The following MOK variants were observed in gnomAD, a reference collection of about 807,000 sequenced individuals.
MOK encodes the protein MOK protein kinase, also known as MAPK/MAK/MRK overlapping kinase.
A neutral mutation model predicts 54.2 loss-of-function variants in MOK; 59 were observed. That is an observed-to-expected ratio of 1.09 (90% confidence interval 0.88 to 1.35). The LOEUF (loss-of-function observed/expected upper bound fraction) is 1.35, where lower values mean the gene tolerates loss of function less well. Ranked by LOEUF, MOK falls within the 40% of genes most tolerant of loss-of-function variation. The pLI is 0.00. For missense variants in MOK, 517 were observed against 526.2 expected (o/e 0.98, Z 0.17); for synonymous variants, 210 against 202.7 (o/e 1.04, Z -0.31).
At position 102,232,763 on chromosome 14, in the gene MOK, T is replaced by C; in HGVS notation, c.693-55A>G. The C allele has an allele frequency of 6.6e-7, 1 of 1,508,234 alleles. No individual in the cohort carries two copies. 93.4% of individuals were successfully genotyped at this position (1,508,234 alleles called of 1,614,324 possible). A position where few individuals can be genotyped will look rare whatever the true frequency, so the allele number is the denominator to read the frequency against. On this transcript the variant is annotated intron_variant, in intron 8 of 11. Coordinates refer to ENST00000361847, the MANE Select transcript of MOK (RefSeq NM_014226.3). The surrounding 1 kb of genome is among the most constrained non-coding windows in gnomAD (Gnocchi z 5.1). ...GTCATGCTGTCACTGAGCGCACCGG[T>C]GGTCCACTGTCACAACTAAGGGCCC...
At chr14:102,282,630 A>G (rs756865939) in intron 2 of MOK, among the ~76,000 whole-genome samples, 1 of 152,078 alleles carries the variant, frequency 6.6e-6, no homozygotes, top group Non-Finnish European at 1.5e-5. Context: ...GCTACTCAGG[A>G]GACTGAGGTG....
At chr14:102,304,487 T>C (rs938030875) in intron 1 of MOK, among the ~76,000 whole-genome samples, 4 of 152,064 alleles carry the variant, frequency 2.6e-5, no homozygotes, top group African/African-American at 9.7e-5. Context: ...AAAAATAAAA[T>C]AAAGCACACA....
intron 7 of MOK, 79 bp from the exon 8 acceptor site, chr14:102,233,868 G>T: frequency 1.9e-6 from 2 of 1,027,812 alleles, no homozygotes; most frequent in Non-Finnish European, 3.0e-6. Flanking sequence ...CATCTGGACC[G>T]CACAAGGGGA....
rs753028317 is a variant in MOK, at chr14:102,232,736, T to C, written c.693-28A>G. On this transcript the variant is annotated intron_variant, in intron 8 of 11. Coordinates refer to ENST00000361847, the MANE Select transcript of MOK (RefSeq NM_014226.3). The surrounding 1 kb of genome is among the most constrained non-coding windows in gnomAD (Gnocchi z 5.1). ...GTATTAAAAACCCAATGATAATAAA[T>C]GGTCATGCTGTCACTGAGCGCACCG... 3.1e-6 allele frequency: 5 copies of C among 1,594,848 alleles called. No individual in the cohort carries two copies. Among genetic ancestry groups the C allele is most frequent in the South Asian group, 2.2e-5 (2 of 89,062 alleles).
At chr14:102,284,248 C>T (rs2069780778) in intron 1 of MOK, among the ~76,000 whole-genome samples, 1 of 151,900 alleles carries the variant, frequency 6.6e-6, no homozygotes, top group South Asian at 2.1e-4. Flanking sequence ...CTGCTGTGAA[C>T]AAAAGTCTAA....
At chr14:102,216,926 CTG>C in the MOK span, among the ~76,000 whole-genome samples, 1 of 152,098 alleles carries the variant, frequency 6.6e-6, no homozygotes, top group Admixed American at 6.5e-5. Context: ...GAGCGAGACT[CTG>C]TCTTAAAGAA....
At chr14:102,271,404 C>G (rs1160851118) in intron 2 of MOK, among the ~76,000 whole-genome samples, 1 of 152,020 alleles carries the variant, frequency 6.6e-6, no homozygotes, top group African/African-American at 2.4e-5. Context: ...ACCTTCCCCA[C>G]AAGGAAAACT....
chr14:102,295,192 A>C (rs2071299836), intron 1 of MOK, among the ~76,000 whole-genome samples: 1 of 152,210 alleles, frequency 6.6e-6, no homozygotes, highest in Non-Finnish European at 1.5e-5. Flanking sequence ...GGAATAGAGT[A>C]AACAAGCACC....
chr14:102,286,101 C>T (rs1482139768), intron 1 of MOK, among the ~76,000 whole-genome samples: 1 of 149,116 alleles, frequency 6.7e-6, no homozygotes, highest in Non-Finnish European at 1.5e-5. Flanking sequence ...AGATCGAGAC[C>T]ATCCTGGCTA....
At chr14:102,300,966 G>A (rs750461619) in intron 1 of MOK, among the ~76,000 whole-genome samples, 5 of 151,968 alleles carry the variant, frequency 3.3e-5, no homozygotes, top group South Asian at 2.1e-4. Flanking sequence ...GTGTGGTGGT[G>A]CGCCTAAAAT....
At chr14:102,299,959 C>T (rs1182053926) in intron 1 of MOK, among the ~76,000 whole-genome samples, 3 of 151,956 alleles carry the variant, frequency 2.0e-5, no homozygotes, top group African/African-American at 7.3e-5. Flanking sequence ...TGGCTCATGC[C>T]TATAATCCAG....
At chr14:102,267,588 T>C (rs1055457648) in intron 2 of MOK, among the ~76,000 whole-genome samples, 2 of 151,994 alleles carry the variant, frequency 1.3e-5, no homozygotes, top group African/African-American at 2.4e-5. Flanking sequence ...AATAAATATG[T>C]CTGAATATTT....
chr14:102,231,961 C>G lies in MOK; in HGVS notation c.867-140G>C, dbSNP rs534742541. 3.8e-5 allele frequency: 24 copies of G among 634,914 alleles called. No homozygotes were observed. The highest frequency in any genetic ancestry group is 3.0e-4 in the African/African-American group (16 of 54,072). The allele number at this position is 634,914 out of a possible 1,614,324, so 39.3% of individuals were successfully genotyped here. A position where few individuals can be genotyped will look rare whatever the true frequency, so the allele number is the denominator to read the frequency against. On this transcript the variant is annotated intron_variant, in intron 9 of 11. Transcript: ENST00000361847. The surrounding 1 kb of genome is among the most constrained non-coding windows in gnomAD (Gnocchi z 4.4). Reference sequence around the variant, plus strand: ...TTTCTGCCTGAGCTGTAATCAGGAGCCTTTTTTTTTCTTTTCTGTCTCAGC... The same window carrying G: ...TTTCTGCCTGAGCTGTAATCAGGAGGCTTTTTTTTTCTTTTCTGTCTCAGC...
chr14:102,260,176 CAAAA>C (rs770385409), intron 4 of MOK, among the ~76,000 whole-genome samples: 1 of 76,256 alleles, frequency 1.3e-5, no homozygotes, highest in African/African-American at 4.7e-5. Context: ...AACTCCATCT[CAAAA>C]AAAAAAAAAA....
intron 7 of MOK, among the ~76,000 whole-genome samples, chr14:102,246,738 C>T (rs1488795859): frequency 2.6e-5 from 4 of 152,174 alleles, no homozygotes; most frequent in East Asian, 1.9e-4. Context: ...TGCCTACTTA[C>T]GCAACCTGGC....
chr14:102,283,408 A>T (rs749425742), intron 2 of MOK, 70 bp downstream of exon 2: 2 of 930,966 alleles, frequency 2.1e-6, no homozygotes, highest in Non-Finnish European at 3.3e-6. Flanking sequence ...GCTCCCCCCT[A>T]ATATTAAGTT....
rs530363159 is a variant in MOK at position 102,245,631 on chromosome 14, C to A, written c.590+5181G>T. Among the ~76,000 whole-genome samples, 13 of 152,196 alleles carry A rather than the reference C, an allele frequency of 8.5e-5. No homozygotes were observed. Among genetic ancestry groups the A allele is most frequent in the Admixed American group, 2.0e-4 (3 of 15,292 alleles). Reference sequence around the variant, plus strand: ...GTAATTTTCCACTACCTACCCAAATCCTCTACAACGGCCCCACCCCTATCT... The same window carrying A: ...GTAATTTTCCACTACCTACCCAAATACTCTACAACGGCCCCACCCCTATCT... On this transcript the variant is annotated intron_variant, in intron 7 of 11. Transcript: ENST00000361847. The surrounding 1 kb of genome is among the most constrained non-coding windows in gnomAD (Gnocchi z 4.3).
chr14:102,272,021 G>C (rs1003619575), intron 2 of MOK, among the ~76,000 whole-genome samples: 2 of 151,992 alleles, frequency 1.3e-5, no homozygotes, highest in Admixed American at 6.6e-5. Context: ...TGGGACCACA[G>C]GTGCCTGCCA....
chr14:102,239,091 C>G (rs988041736), intron 7 of MOK, among the ~76,000 whole-genome samples: 1 of 152,206 alleles, frequency 6.6e-6, no homozygotes, highest in Non-Finnish European at 1.5e-5. Context: ...TTTGGTCTCC[C>G]TCGCTCCAAT....
Sources: allele counts gnomAD v4.1 joint callset (sites outside exome capture counted in the v4.1 genomes callset), GRCh38; gene constraint gnomAD v4.1.1; non-coding constraint Gnocchi (gnomAD v3.1); transcripts MANE v1.5; gene names NCBI Gene and HGNC (gene_info 2026-07-23, HGNC 2026-07-21).